The following LIPC variants were observed in gnomAD, a reference collection of about 807,000 sequenced individuals.
The protein encoded by LIPC is hepatic triacylglycerol lipase.
Under a neutral mutation model 50.7 loss-of-function variants are expected in LIPC, and 44 were observed. The ratio of observed to expected loss-of-function variants is 0.87; its 90% CI spans 0.68 to 1.11. The LOEUF (loss-of-function observed/expected upper bound fraction) is 1.11, where lower values mean the gene tolerates loss of function less well. Among genes scored for constraint, LIPC ranks in the 50% most tolerant of loss-of-function variants. The pLI, the probability that LIPC is intolerant of heterozygous loss-of-function variation, is 0.00. For synonymous variants in LIPC, 271 were observed against 256.4 expected, an observed-to-expected ratio of 1.06 and a Z score of -0.54; for missense variants, 697 against 648.2, an observed-to-expected ratio of 1.08 and a Z score of -0.82.
intron 1 of LIPC, among the ~76,000 whole-genome samples, chr15:58,457,412 C>T (rs1445644696): frequency 6.6e-6 from 1 of 152,196 alleles, no homozygotes; most frequent in Non-Finnish European, 1.5e-5. Flanking sequence ...GCCCGGCAGA[C>T]ATGACGTATT....
At chr15:58,484,880 C>T (rs1891315199) in intron 1 of LIPC, among the ~76,000 whole-genome samples, 2 of 152,112 alleles carry the variant, frequency 1.3e-5, no homozygotes, top group South Asian at 2.1e-4. Flanking sequence ...ACTAGACTAA[C>T]AGGGGAGGAA....
At chr15:58,563,427 C>T in intron 7 of LIPC, 78 bp from the exon 8 acceptor site, 3 of 1,209,834 alleles carry the variant, frequency 2.5e-6, no homozygotes, top group Non-Finnish European at 2.4e-6. Flanking sequence ...GGAAACACAA[C>T]ACATCCTGAA....
intron 1 of LIPC, among the ~76,000 whole-genome samples, chr15:58,503,006 T>C (rs1193722914): frequency 6.6e-6 from 1 of 150,826 alleles, no homozygotes; most frequent in Non-Finnish European, 1.5e-5. Flanking sequence ...AGATGTGCCA[T>C]GCATCATTGA....
At chr15:58,467,118 C>T (rs755561869) in intron 1 of LIPC, among the ~76,000 whole-genome samples, 4 of 152,148 alleles carry the variant, frequency 2.6e-5, no homozygotes, top group Non-Finnish European at 5.9e-5. Context: ...TCATTCATTG[C>T]ATTCCCATCC....
At chr15:58,457,024 C>T (rs913344129) in intron 1 of LIPC, among the ~76,000 whole-genome samples, 2 of 152,210 alleles carry the variant, frequency 1.3e-5, no homozygotes, top group Non-Finnish European at 2.9e-5. Context: ...CGGGCACCTC[C>T]TTTGTCAGCA....
At chr15:58,567,513 A>G (rs902083663) in intron 8 of LIPC, among the ~76,000 whole-genome samples, 1 of 151,574 alleles carries the variant, frequency 6.6e-6, no homozygotes, top group Non-Finnish European at 1.5e-5. Context: ...TAATCAAAAT[A>G]TGCACAAAGG....
At chr15:58,517,638 G>A (rs1440348985) in intron 1 of LIPC, among the ~76,000 whole-genome samples, 1 of 152,180 alleles carries the variant, frequency 6.6e-6, no homozygotes, top group Non-Finnish European at 1.5e-5. Context: ...ACACAAATGT[G>A]AGAAGGAGGC....
intron 1 of LIPC, among the ~76,000 whole-genome samples, chr15:58,496,108 GGTTCTCA>G (rs1488947025): frequency 5.9e-5 from 9 of 152,098 alleles, no homozygotes; most frequent in Non-Finnish European, 1.3e-4. Flanking sequence ...CTAGGGCAGT[GGTTCTCA>G]GTGGTTCTCA....
intron 1 of LIPC, among the ~76,000 whole-genome samples, chr15:58,536,498 A>C (rs1441207180): frequency 2.0e-5 from 3 of 152,204 alleles, no homozygotes; most frequent in Non-Finnish European, 4.4e-5. Flanking sequence ...CACAGTGTGC[A>C]CGGGAACTAA....
chr15:58,541,951 T>C lies in LIPC; in HGVS notation c.440T>C (p.Leu147Pro). Residue 147 changes from leucine to proline, a missense_variant, in exon 3 of 9, where the codon CTT (leucine) becomes CCT (proline). Physicochemically the swap from Leu to Pro is moderately conservative, Grantham distance 98. Transcript: ENST00000299022. The part of the protein sequence containing the change: ...TRLVGKEVAA[L>P]LRWLEESVQL... Reference sequence around the variant, plus strand: ...CTTGTGGGCAAGGAGGTCGCGGCTCTTCTCCGGTGGCTGGAGGTACCGACC... The same window carrying C: ...CTTGTGGGCAAGGAGGTCGCGGCTCCTCTCCGGTGGCTGGAGGTACCGACC... 1 of 1,610,114 alleles carries C rather than the reference T, an allele frequency of 6.2e-7. No homozygotes were observed. The highest frequency in any genetic ancestry group is 8.5e-7 in the Non-Finnish European group (1 of 1,179,426).
chr15:58,503,155 T>A (rs1414334780), intron 1 of LIPC, among the ~76,000 whole-genome samples: 1 of 152,138 alleles, frequency 6.6e-6, no homozygotes, highest in Non-Finnish European at 1.5e-5. Context: ...CAGACAGTGT[T>A]GCTAATCCCA....
rs1393811575 is a variant in LIPC, at chr15:58,569,061, G to A, written c.*234G>A. The A allele has an allele frequency of 8.1e-6, 3 of 372,536 alleles. No homozygotes were observed. The highest frequency in any genetic ancestry group is 9.1e-5 in the East Asian group (2 of 21,982). 23.1% of individuals were successfully genotyped at this position (372,536 alleles called of 1,614,324 possible). On this transcript the variant is annotated 3_prime_UTR_variant, in exon 9 of 9. Transcript: ENST00000299022. ...GTCCCAATTTTATCTCTGGTTAAAT[G>A]TTAATATATGCAAATAAGTACAAAT...
intron 1 of LIPC, among the ~76,000 whole-genome samples, chr15:58,483,454 A>C (rs986450099): frequency 9.9e-5 from 15 of 152,128 alleles, no homozygotes; most frequent in African/African-American, 3.4e-4. Context: ...CTGAGGGTAG[A>C]AGAAGATTTT....
At chr15:58,434,665 C>A (rs1187816775) in intron 1 of LIPC, among the ~76,000 whole-genome samples, 1 of 152,236 alleles carries the variant, frequency 6.6e-6, no homozygotes, top group Non-Finnish European at 1.5e-5. Context: ...CTAAGGGGGA[C>A]TGGATAGCGT....
chr15:58,563,447 C>T (rs1452191244), intron 7 of LIPC, 58 bp from the exon 8 acceptor site: 2 of 1,393,660 alleles, frequency 1.4e-6, no homozygotes, highest in Non-Finnish European at 2.0e-6. Flanking sequence ...ATGTGTGTGA[C>T]CGTCACTTTG....
intron 6 of LIPC, among the ~76,000 whole-genome samples, chr15:58,553,435 A>G (rs1366802137): frequency 6.6e-6 from 1 of 152,160 alleles, no homozygotes; most frequent in Non-Finnish European, 1.5e-5. Flanking sequence ...ATCTCTACAA[A>G]AGAATTAAAA....
At chr15:58,525,631 C>T (rs1472539996) in intron 1 of LIPC, among the ~76,000 whole-genome samples, 1 of 152,184 alleles carries the variant, frequency 6.6e-6, no homozygotes, top group Non-Finnish European at 1.5e-5. Context: ...CCTTTGAGGC[C>T]GGTGTTCTGG....
At chr15:58,529,831 G>A (rs1892904372) in intron 1 of LIPC, among the ~76,000 whole-genome samples, 3 of 152,198 alleles carry the variant, frequency 2.0e-5, no homozygotes, top group Admixed American at 2.0e-4. Context: ...CTTCAACTGT[G>A]ACATAAGGAA....
At chr15:58,492,596 A>T (rs1250928967) in intron 1 of LIPC, among the ~76,000 whole-genome samples, 1 of 152,166 alleles carries the variant, frequency 6.6e-6, no homozygotes, top group South Asian at 2.1e-4. Flanking sequence ...ACTCAGGCCC[A>T]TTCTTTTAGC....
Sources: gnomAD v4.1 joint callset for allele counts (sites outside exome capture counted in the v4.1 genomes callset) on GRCh38, gnomAD v4.1.1 for gene constraint, MANE v1.5 for transcripts, NCBI Gene and HGNC (gene_info 2026-07-23, HGNC 2026-07-21) for gene names.